Variants in FNIP1 observed in about 807,000 individuals in gnomAD.
The protein encoded by FNIP1 is folliculin interacting protein 1, also known as folliculin-interacting protein 1.
Under a neutral mutation model 124.5 loss-of-function variants are expected in FNIP1, and 40 were observed. The ratio of observed to expected loss-of-function variants is 0.32; its 90% confidence interval spans 0.25 to 0.42. The LOEUF (loss-of-function observed/expected upper bound fraction) is 0.42, where lower values mean the gene tolerates loss of function less well. FNIP1 is among the 10% of genes least tolerant of loss of function. FNIP1 has a pLI of 1.00. For missense variants in FNIP1, 1,176 were observed against 1,403.7 expected (o/e 0.84, Z 2.59); for synonymous variants, 472 against 470.6 (o/e 1.00, Z -0.04).
intron 1 of FNIP1, among the ~76,000 whole-genome samples, chr5:131,771,075 C>T (rs1172336010): frequency 6.6e-6 from 1 of 152,140 alleles, no homozygotes; most frequent in Non-Finnish European, 1.5e-5. Flanking sequence ...TCTCCCAACG[C>T]TATCCCTCCC....
chr5:131,752,334 C>T (rs549252333), intron 1 of FNIP1, among the ~76,000 whole-genome samples: 5 of 152,082 alleles, frequency 3.3e-5, no homozygotes, highest in South Asian at 4.2e-4. Flanking sequence ...TGAGCCACCG[C>T]GCCCAGCCAT....
At chr5:131,657,389 C>A (rs1386402218) in intron 15 of FNIP1, among the ~76,000 whole-genome samples, 3 of 152,054 alleles carry the variant, frequency 2.0e-5, no homozygotes, top group African/African-American at 7.2e-5. Context: ...ATGCCCCTGG[C>A]CACCCAGAAC....
intron 1 of FNIP1, among the ~76,000 whole-genome samples, chr5:131,759,930 C>A (rs918588132): frequency 2.6e-5 from 4 of 152,162 alleles, no homozygotes; most frequent in Non-Finnish European, 5.9e-5. Context: ...AAATCATGTC[C>A]TTTGCAGCAA....
At chr5:131,671,223 G>A (rs888943105) in intron 14 of FNIP1, among the ~76,000 whole-genome samples, 1 of 152,074 alleles carries the variant, frequency 6.6e-6, no homozygotes, top group African/African-American at 2.4e-5. Context: ...ATGTCCTTTG[G>A]GGGGCATAAG....
At chr5:131,750,616 CTT>C (rs537818966) in intron 1 of FNIP1, among the ~76,000 whole-genome samples, 24 of 137,878 alleles carry the variant, frequency 1.7e-4, no homozygotes, top group Non-Finnish European at 1.8e-4. Context: ...TCCCTTCTTT[CTT>C]TTTTTTTTTT....
chr5:131,759,804 A>G (rs1771165823), intron 1 of FNIP1, among the ~76,000 whole-genome samples: 1 of 152,350 alleles, frequency 6.6e-6, no homozygotes, highest in South Asian at 2.1e-4. Context: ...TCATCACCAT[A>G]CTATTTATGA....
intron 3 of FNIP1, among the ~76,000 whole-genome samples, chr5:131,728,467 T>C (rs930511147): frequency 1.3e-5 from 2 of 152,108 alleles, no homozygotes; most frequent in Non-Finnish European, 2.9e-5. Flanking sequence ...GCTTGATTGA[T>C]TCAGCTATTG....
chr5:131,654,238 T>C (rs914938649), intron 15 of FNIP1, among the ~76,000 whole-genome samples: 9 of 152,130 alleles, frequency 5.9e-5, no homozygotes, highest in Non-Finnish European at 1.3e-4. Flanking sequence ...CAGAAACAGA[T>C]AGTGACCCTA....
rs1766755345 is a variant in FNIP1 at position 131,642,848 on chromosome 5, A to G, written c.*1837T>C. 1 of 142,918 alleles carries G rather than the reference A, an allele frequency of 7.0e-6. No individual in the cohort carries two copies. Among genetic ancestry groups the G allele is most frequent in the South Asian group, 2.3e-4 (1 of 4,284 alleles). 8.9% of individuals were successfully genotyped at this position (142,918 alleles called of 1,614,324 possible). ...CGCACCATTGCACTCCAGCCTGGGT[A>G]ACAAGAGTGAAACTCCGTCAAAAAA... On this transcript the variant is annotated 3_prime_UTR_variant, in exon 18 of 18. Coordinates refer to ENST00000510461, the MANE Select transcript of FNIP1 (RefSeq NM_133372.3).
At chr5:131,784,439 A>ATG (rs536185694) in intron 1 of FNIP1, among the ~76,000 whole-genome samples, 29 of 152,148 alleles carry the variant, frequency 1.9e-4, no homozygotes, top group South Asian at 1.0e-3. Context: ...AAGGGTATGT[A>ATG]TGTGTGTGTG....
chr5:131,687,519 A>G (rs775021496), intron 11 of FNIP1, among the ~76,000 whole-genome samples: 3 of 152,226 alleles, frequency 2.0e-5, no homozygotes, highest in Non-Finnish European at 4.4e-5. Flanking sequence ...TTTGACCTGC[A>G]AAGAGCTTGG....
intron 2 of FNIP1, among the ~76,000 whole-genome samples, chr5:131,738,002 T>G (rs1381277049): frequency 6.6e-6 from 1 of 152,180 alleles, no homozygotes; most frequent in African/African-American, 2.4e-5. Context: ...CCACCTCAGA[T>G]CAGCAGACAT....
At chr5:131,712,085 A>G (rs1211742839) in intron 6 of FNIP1, among the ~76,000 whole-genome samples, 1 of 152,116 alleles carries the variant, frequency 6.6e-6, no homozygotes, top group Non-Finnish European at 1.5e-5. Context: ...CCCTGCTTCA[A>G]AACTTACTCT....
At chr5:131,682,523 AG>A (rs1355116091) in intron 11 of FNIP1, among the ~76,000 whole-genome samples, 1 of 152,106 alleles carries the variant, frequency 6.6e-6, no homozygotes, top group Non-Finnish European at 1.5e-5. Flanking sequence ...GTTCAAGACC[AG>A]CCTGGCCAAC....
intron 1 of FNIP1, among the ~76,000 whole-genome samples, chr5:131,754,502 A>T (rs1372197308): frequency 6.6e-6 from 1 of 152,246 alleles, no homozygotes; most frequent in Non-Finnish European, 1.5e-5. Flanking sequence ...TATCTAAATC[A>T]TTGTGTATGG....
intron 5 of FNIP1, among the ~76,000 whole-genome samples, chr5:131,716,987 TA>T (rs919542898): frequency 2.0e-4 from 30 of 151,404 alleles, no homozygotes; most frequent in African/African-American, 7.3e-4. Context: ...AATATATATA[TA>T]TTTTTTTTTA....
At chr5:131,712,067 T>C (rs1029355062) in intron 6 of FNIP1, among the ~76,000 whole-genome samples, 1 of 152,182 alleles carries the variant, frequency 6.6e-6, no homozygotes, top group African/African-American at 2.4e-5. Flanking sequence ...CCCTTTTTTT[T>C]CCTATCACCC....
chr5:131,657,074 G>C (rs1767216788), intron 15 of FNIP1, among the ~76,000 whole-genome samples: 1 of 131,150 alleles, frequency 7.6e-6, no homozygotes, highest in Non-Finnish European at 1.5e-5. Flanking sequence ...TGCCCAGACA[G>C]CTCACTGCAA....
chr5:131,768,808 TAATAAAATAA>T (rs1391109637), intron 1 of FNIP1, among the ~76,000 whole-genome samples: 1 of 151,954 alleles, frequency 6.6e-6, no homozygotes, highest in African/African-American at 2.4e-5. Context: ...CAAAAACTAA[TAATAAAATAA>T]AATAAAATAA....
Sources: allele counts gnomAD v4.1 joint callset (sites outside exome capture counted in the v4.1 genomes callset), GRCh38; gene constraint gnomAD v4.1.1; transcripts MANE v1.5; gene names NCBI Gene and HGNC (gene_info 2026-07-23, HGNC 2026-07-21).